Variants in CDYL observed in about 807,000 individuals in gnomAD.
CDYL encodes the protein chromodomain Y-like protein.
Under a neutral mutation model 47.3 loss-of-function variants are expected in CDYL, and 8 were observed. The observed-to-expected ratio is 0.17, with a 90% CI of 0.10 to 0.31. The LOEUF (loss-of-function observed/expected upper bound fraction) is 0.31, where lower values mean the gene tolerates loss of function less well. CDYL is among the 10% of genes least tolerant of loss of function. CDYL has a pLI of 1.00. For missense variants in CDYL, 471 were observed against 701.4 expected (o/e 0.67, Z 3.71); for synonymous variants, 266 against 265.0 (o/e 1.00, Z -0.04).
At chr6:4,948,380 A>G (rs3789798) in intron 5 of CDYL, among the ~76,000 whole-genome samples, 141,253 of 152,238 alleles carry the variant, frequency 0.93, 66,094 homozygotes, top group Non-Finnish European at 1. Context: ...AGAAAGGGCC[A>G]TGAGGCTTGA....
intron 2 of CDYL, among the ~76,000 whole-genome samples, chr6:4,728,860 C>T (rs1757557490): frequency 6.6e-6 from 1 of 152,190 alleles, no homozygotes; most frequent in South Asian, 2.1e-4. Flanking sequence ...GGAACAATGA[C>T]TTCTCTACAA....
At chr6:4,874,096 AG>A (rs1019039697) in intron 1 of CDYL, among the ~76,000 whole-genome samples, 7 of 152,180 alleles carry the variant, frequency 4.6e-5, no homozygotes, top group Admixed American at 3.3e-4. Context: ...CAACAGTTAA[AG>A]AAGGTGTTTC....
intron 2 of CDYL, among the ~76,000 whole-genome samples, chr6:4,727,451 A>G (rs1240428503): frequency 6.6e-6 from 1 of 152,104 alleles, no homozygotes; most frequent in African/African-American, 2.4e-5. Context: ...TGTTGTAAGG[A>G]GCATGAGTTA....
chr6:4,874,860 G>A (rs1304969963), intron 1 of CDYL, among the ~76,000 whole-genome samples: 7 of 152,136 alleles, frequency 4.6e-5, no homozygotes, highest in African/African-American at 1.4e-4. Context: ...GCATGGTGAC[G>A]TTTGGATTCG....
At chr6:4,779,562 A>G (rs1289717249) in intron 1 of CDYL, among the ~76,000 whole-genome samples, 1 of 152,252 alleles carries the variant, frequency 6.6e-6, no homozygotes, top group Non-Finnish European at 1.5e-5. Flanking sequence ...ATAAAGGAAC[A>G]GATCCTGGAA....
At chr6:4,910,112 C>T (rs1250943942) in intron 2 of CDYL, among the ~76,000 whole-genome samples, 1 of 151,982 alleles carries the variant, frequency 6.6e-6, no homozygotes, top group East Asian at 1.9e-4. Flanking sequence ...GAAGACTCCC[C>T]GATTTTCCCC....
At chr6:4,798,007 C>A (rs1759124267) in intron 1 of CDYL, among the ~76,000 whole-genome samples, 1 of 151,318 alleles carries the variant, frequency 6.6e-6, no homozygotes, top group Non-Finnish European at 1.5e-5. Context: ...GGATTTTATT[C>A]TGTTGCCCAG....
chr6:4,735,905 TG>T (rs56986849), intron 3 of CDYL, among the ~76,000 whole-genome samples: 129,564 of 151,756 alleles, frequency 0.85, 55,798 homozygotes, highest in Non-Finnish European at 0.91. Context: ...GTGCACGTGA[TG>T]GGGGGGGGTG....
At chr6:4,926,416 C>T (rs1328099658) in intron 2 of CDYL, among the ~76,000 whole-genome samples, 2 of 152,220 alleles carry the variant, frequency 1.3e-5, no homozygotes, top group Non-Finnish European at 2.9e-5. Flanking sequence ...CCAAAGACAA[C>T]AGTGGTCATT....
chr6:4,729,587 T>TA (rs1297691421), intron 2 of CDYL, among the ~76,000 whole-genome samples: 5 of 151,930 alleles, frequency 3.3e-5, no homozygotes, highest in African/African-American at 9.7e-5. Context: ...ATCCATCATC[T>TA]AAAAAAAACA....
chr6:4,943,355 G>A (rs1358238410), intron 4 of CDYL, among the ~76,000 whole-genome samples, 191 bp from the exon 5 acceptor site: 1 of 152,172 alleles, frequency 6.6e-6, no homozygotes, highest in Non-Finnish European at 1.5e-5. Flanking sequence ...GCTCCAGGCT[G>A]TCACCAAACC....
intron 2 of CDYL, chr6:4,724,328 G>A (rs928042435): frequency 6.6e-6 from 1 of 152,060 alleles, no homozygotes; most frequent in Non-Finnish European, 1.5e-5. Flanking sequence ...TGGGATTATA[G>A]ACGTGAGCCA....
At chr6:4,821,300 C>G (rs1264250010) in intron 1 of CDYL, among the ~76,000 whole-genome samples, 9 of 103,670 alleles carry the variant, frequency 8.7e-5, no homozygotes, top group African/African-American at 3.5e-4. Context: ...GAGACGGAGT[C>G]TCACTCTCAC....
chr6:4,865,560 C>G (rs570574930), intron 1 of CDYL, among the ~76,000 whole-genome samples: 2 of 152,140 alleles, frequency 1.3e-5, no homozygotes, highest in Non-Finnish European at 2.9e-5. Flanking sequence ...GCATTTGTTT[C>G]TAACGAAGAG....
chr6:4,903,449 G>A (rs964338616), intron 2 of CDYL, among the ~76,000 whole-genome samples: 2 of 152,188 alleles, frequency 1.3e-5, no homozygotes, highest in African/African-American at 4.8e-5. Context: ...CATCTTAAAT[G>A]TCTTTTGATA....
At chr6:4,826,605 A>T (rs1442503811) in intron 1 of CDYL, among the ~76,000 whole-genome samples, 1 of 151,644 alleles carries the variant, frequency 6.6e-6, no homozygotes, top group African/African-American at 2.4e-5. Context: ...TTCTTTTTTG[A>T]CCCATGGTTG....
intron 5 of CDYL, among the ~76,000 whole-genome samples, chr6:4,948,492 G>A (rs1379836654): frequency 4.0e-5 from 6 of 151,776 alleles, no homozygotes; most frequent in Admixed American, 6.6e-5. Flanking sequence ...GAGATGTACT[G>A]GTGCCTCTTG....
chr6:4,874,981 T>C (rs1245865483), intron 1 of CDYL, among the ~76,000 whole-genome samples: 2 of 152,216 alleles, frequency 1.3e-5, no homozygotes, highest in Admixed American at 6.5e-5. Context: ...CTGGTTCTTA[T>C]GACTAAAGTG....
At chr6:4,742,424 T>C (rs529079106) in intron 3 of CDYL, among the ~76,000 whole-genome samples, 3 of 148,634 alleles carry the variant, frequency 2.0e-5, no homozygotes, top group East Asian at 2.0e-4. Context: ...TATTGGTCCA[T>C]AGCAATGATC....
Sources: allele counts gnomAD v4.1 joint callset (sites outside exome capture counted in the v4.1 genomes callset), GRCh38; gene constraint gnomAD v4.1.1; transcripts MANE v1.5; gene names NCBI Gene and HGNC (gene_info 2026-07-23, HGNC 2026-07-21).